HMCN1: variants seen among roughly 807,000 people sequenced by gnomAD.
HMCN1 encodes hemicentin 1.
Under a neutral mutation model 625.9 loss-of-function variants are expected in HMCN1, and 321 were observed. That is an observed-to-expected ratio of 0.51 (90% CI 0.47 to 0.56). The LOEUF (loss-of-function observed/expected upper bound fraction) is 0.56. Ranked by LOEUF, HMCN1 falls within the 20% of genes least tolerant of loss-of-function variation. HMCN1 has a pLI of 0.00. For synonymous variants in HMCN1, 2,425 were observed against 2,417.6 expected, an observed-to-expected ratio of 1.00 and a Z score of -0.09; for missense variants, 6,588 against 6,887.3, an observed-to-expected ratio of 0.96 and a Z score of 1.54.
chr1:186,062,358 CA>C (rs2102311843), intron 47 of HMCN1, among the ~76,000 whole-genome samples, 155 bp from the exon 48 acceptor site: 1 of 152,156 alleles, frequency 6.6e-6, no homozygotes, highest in Non-Finnish European at 1.5e-5. Context: ...TAGACTTGAT[CA>C]AAATAATATT....
intron 1 of HMCN1, among the ~76,000 whole-genome samples, chr1:185,801,080 C>T (rs140440642): frequency 9.2e-5 from 14 of 152,150 alleles, no homozygotes; most frequent in Middle Eastern, 3.4e-3. Flanking sequence ...CCTGATATAA[C>T]GACTGTACAC....
chr1:185,796,940 G>T (rs1202121271), intron 1 of HMCN1, among the ~76,000 whole-genome samples: 1 of 152,132 alleles, frequency 6.6e-6, no homozygotes, highest in Non-Finnish European at 1.5e-5. Flanking sequence ...CATAGAGGTT[G>T]TACTACTTTA....
chr1:186,187,754 A>G (rs1256106658), intron 105 of HMCN1, 129 bp from the exon 106 acceptor site: 3 of 1,226,774 alleles, frequency 2.4e-6, no homozygotes, highest in Middle Eastern at 2.4e-4. Flanking sequence ...AAGGTTAGGT[A>G]TGACTAAGTT....
rs144120463 is a variant in HMCN1, at chr1:185,884,587, T to G, written c.621+18724T>G. Among the ~76,000 whole-genome samples, 840 of 152,144 alleles carry G rather than the reference T, an allele frequency of 5.5e-3. 6 individuals carry two copies. Among genetic ancestry groups the G allele is most frequent in the African/African-American group, 0.019 (798 of 41,572 alleles). ...TCTCTCTCTTATGTCTAAAAAAAGT[T>G]ACTTTCTATATTTTGCCTAATGGCT... is the stretch of plus-strand genomic sequence containing the variant. On this transcript the variant is annotated intron_variant, in intron 4 of 106. Coordinates refer to ENST00000271588, the MANE Select transcript of HMCN1 (RefSeq NM_031935.3).
Position 186,038,908 on chromosome 1 carries a change from T to C in HMCN1, c.5931T>C (p.Asp1977=), listed in dbSNP as rs1409199016. 4 of 1,604,410 alleles carry C rather than the reference T, an allele frequency of 2.5e-6. No homozygotes were observed. In the South Asian group the frequency reaches 4.4e-5, roughly 18 times the overall value. ...TCTTGAACAGAGGACAGATCATTGA[T>C]ATTGAAAGTGCCCAGATCTCAGATG... ...MTFLNRGQII[D]IESAQISDAG... is the part of the protein sequence containing the mutation. The change falls in exon 38 of 107, where the codon GAT becomes GAC. Residue 1977 remains aspartate, a synonymous_variant. Transcript: ENST00000271588.
chr1:185,892,286 C>T (rs1665152539), intron 4 of HMCN1, among the ~76,000 whole-genome samples: 1 of 151,196 alleles, frequency 6.6e-6, no homozygotes, highest in Non-Finnish European at 1.5e-5. Flanking sequence ...GTAATTTGAT[C>T]ATCTGAAGCC....
At chr1:185,993,402 G>A (rs1652571568) in intron 23 of HMCN1, 93 bp downstream of exon 23, 1 of 1,419,502 alleles carries the variant, frequency 7.0e-7, no homozygotes, top group Non-Finnish European at 9.8e-7. Context: ...TTTCCAAATT[G>A]TATATAGAGT....
intron 1 of HMCN1, among the ~76,000 whole-genome samples, chr1:185,768,099 C>T (rs1020085629): frequency 4.6e-5 from 7 of 152,102 alleles, no homozygotes; most frequent in African/African-American, 9.7e-5. Context: ...AATATAGTTT[C>T]TACTTTTTGC....
At chr1:185,928,817 T>C (rs1667402626) in intron 10 of HMCN1, 150 bp downstream of exon 10, 9 of 854,756 alleles carry the variant, frequency 1.1e-5, no homozygotes, top group Admixed American at 3.8e-5. Context: ...TCAAATCCTG[T>C]GCTCACCATG....
At chr1:186,148,456 C>T (rs570998423) in intron 93 of HMCN1, among the ~76,000 whole-genome samples, 1 of 152,238 alleles carries the variant, frequency 6.6e-6, no homozygotes, top group African/African-American at 2.4e-5. Context: ...ATTTACTTTG[C>T]CCAGATCCAT....
chr1:186,128,394 G>A, intron 83 of HMCN1, 103 bp downstream of exon 83: 2 of 933,802 alleles, frequency 2.1e-6, no homozygotes, highest in East Asian at 5.1e-5. Context: ...AACAAGAATT[G>A]ATTGCTTTAA....
At chr1:185,824,478 C>T (rs1553246180) in intron 1 of HMCN1, among the ~76,000 whole-genome samples, 1 of 152,132 alleles carries the variant, frequency 6.6e-6, no homozygotes, top group Non-Finnish European at 1.5e-5. Context: ...ACCCTCTCTG[C>T]AAGCTACACA....
At chr1:186,076,406 A>T in intron 53 of HMCN1, 22 bp from the exon 54 acceptor site, 1 of 1,608,248 alleles carries the variant, frequency 6.2e-7, no homozygotes, top group East Asian at 2.2e-5. Context: ...TGTGACCAAC[A>T]TTTAATGCCT....
At chr1:185,773,156 G>A (rs539426708) in intron 1 of HMCN1, among the ~76,000 whole-genome samples, 14 of 152,264 alleles carry the variant, frequency 9.2e-5, no homozygotes, top group African/African-American at 3.4e-4. Context: ...TCACCCTCCA[G>A]GGGACATTTG....
chr1:185,937,290 A>G lies in HMCN1; in HGVS notation c.1828+3466A>G, dbSNP rs114711492. Among the ~76,000 whole-genome samples the G allele has an allele frequency of 6.1e-3, 922 of 152,300 alleles. 3 individuals carry two copies. Among genetic ancestry groups the G allele is most frequent in the Non-Finnish European group, 9.4e-3 (639 of 68,026 alleles). ...AATGAACAGAAATTTATTGGCTCAC[A>G]GTGCTGAAGGCTGGGAAGTCCAAGA... On this transcript the variant is annotated intron_variant, in intron 11 of 106. Coordinates refer to ENST00000271588, the MANE Select transcript of HMCN1 (RefSeq NM_031935.3).
chr1:186,133,669 CTATA>C (rs1442896236), intron 86 of HMCN1, among the ~76,000 whole-genome samples: 1 of 152,110 alleles, frequency 6.6e-6, no homozygotes, highest in African/African-American at 2.4e-5. Context: ...GTTTGCCAAA[CTATA>C]TAATTCTGTA....
At chr1:185,845,441 G>A (rs1383221418) in intron 1 of HMCN1, among the ~76,000 whole-genome samples, 6 of 151,956 alleles carry the variant, frequency 3.9e-5, no homozygotes, top group Non-Finnish European at 8.8e-5. Flanking sequence ...GGCTGGTCTC[G>A]AACTCCTGAC....
Position 185,928,650 on chromosome 1 carries a change from C to T in HMCN1, c.1535C>T (p.Thr512Ile), listed in dbSNP as rs149707772. The T allele has an allele frequency of 3.4e-4, 545 of 1,613,320 alleles. No individual in the cohort carries two copies. The highest frequency in any genetic ancestry group is 4.5e-4 in the Non-Finnish European group (526 of 1,179,478). ...AGTGCAGGTACTGGACGGGCACAGA[C>T]ATTTTTTGACGTATCAGGTAATTAC... ...VSSAGTGRAQ[T>I]FFDVSEPPPV... Residue 512 changes from threonine (T) to isoleucine (I), a missense_variant, in exon 10 of 107, where the codon ACA (threonine) becomes ATA (isoleucine). By Grantham distance (89) the Thr-to-Ile change is moderately conservative. Transcript: ENST00000271588.
chr1:186,010,461 TACAAACTTTTAAA>T (rs1653929018), intron 30 of HMCN1, among the ~76,000 whole-genome samples: 1 of 152,176 alleles, frequency 6.6e-6, no homozygotes, highest in Non-Finnish European at 1.5e-5. Context: ...TTTTCGTAAA[TACAAACTTTTAAA>T]GTAGATCCTT....
Sources: allele counts gnomAD v4.1 joint callset (sites outside exome capture counted in the v4.1 genomes callset), GRCh38; gene constraint gnomAD v4.1.1; transcripts MANE v1.5; gene names NCBI Gene and HGNC (gene_info 2026-07-23, HGNC 2026-07-21).